Variants in TNR observed in about 807,000 individuals in gnomAD.
The protein encoded by TNR is tenascin R.
In TNR, 45 loss-of-function variants were observed where a neutral mutation model predicts 150.4. The observed-to-expected ratio is 0.30, with a 90% CI of 0.24 to 0.38. The LOEUF (loss-of-function observed/expected upper bound fraction) is 0.38, where lower values mean the gene tolerates loss of function less well. TNR is among the 10% of genes least tolerant of loss of function. The pLI is 1.00. For missense variants in TNR, 1,544 were observed against 1,759.1 expected (o/e 0.88, Z 2.19); for synonymous variants, 687 against 678.4 (o/e 1.01, Z -0.20).
In TNR at chr1:175,625,407, G is replaced by A. The variant is rs555025434; in HGVS notation, c.-164-97038C>T. ...ACACAGGAGTGGTGTTGGCTCGCTG[G>A]CACTAGCTTGCACTGGGTCTGTTAG... On this transcript the variant is annotated intron_variant, in intron 1 of 22. Transcript: ENST00000367674. 2.1e-4 allele frequency among the ~76,000 whole-genome samples: 32 copies of A among 152,362 alleles called. No individual in the cohort carries two copies. The East Asian group carries it at 4.8e-3, about 23-fold the overall frequency.
At chr1:175,340,210 G>C (rs550221203) in intron 18 of TNR, among the ~76,000 whole-genome samples, 67 of 152,320 alleles carry the variant, frequency 4.4e-4, no homozygotes, top group African/African-American at 1.6e-3. Context: ...GCAATGAGCT[G>C]GTTGGTGGGG....
At chr1:175,571,048 C>A (rs1189981314) in intron 1 of TNR, among the ~76,000 whole-genome samples, 1 of 152,186 alleles carries the variant, frequency 6.6e-6, no homozygotes, top group African/African-American at 2.4e-5. Context: ...CTGCTCTTCA[C>A]CCAGCCCCAC....
intron 1 of TNR, among the ~76,000 whole-genome samples, chr1:175,619,859 G>C (rs978867009): frequency 6.6e-6 from 1 of 152,228 alleles, no homozygotes; most frequent in East Asian, 1.9e-4. Context: ...CACAGAGGTT[G>C]TGTGTTGGAA....
Position 175,403,368 on chromosome 1 carries a change from A to G in TNR, c.748T>C (p.Cys250Arg), listed in dbSNP as rs1571392168. The change falls in exon 4 of 23, where the codon TGT (cysteine) becomes CGT (arginine). Residue 250 changes from cysteine to arginine, a missense_variant. Physicochemically the swap from Cys to Arg is radical, Grantham distance 180. Coordinates refer to ENST00000367674, the MANE Select transcript of TNR (RefSeq NM_003285.3). ...SSRGLCVDGE[C>R]VCEEPYTGED... ...CCAGTGTAGGGCTCTTCACAGACAC[A>G]CTCCCCGTCCACGCAGAGCCCCCGG... 1.9e-6 allele frequency: 3 copies of G among 1,612,498 alleles called. No individual in the cohort carries two copies. The highest frequency in any genetic ancestry group is 1.3e-5 in the African/African-American group (1 of 74,276).
chr1:175,377,498 T>C (rs200852757), intron 9 of TNR, among the ~76,000 whole-genome samples: 3 of 148,786 alleles, frequency 2.0e-5, no homozygotes, highest in East Asian at 3.9e-4. Flanking sequence ...TTAATTTTTG[T>C]GACTGTTTCT....
At chr1:175,551,652 A>G (rs1402255005) in intron 1 of TNR, among the ~76,000 whole-genome samples, 1 of 152,246 alleles carries the variant, frequency 6.6e-6, no homozygotes, top group Non-Finnish European at 1.5e-5. Flanking sequence ...TTTGCTAACA[A>G]TTGTAATTAA....
At chr1:175,621,422 G>T (rs1663973163) in intron 1 of TNR, among the ~76,000 whole-genome samples, 1 of 151,976 alleles carries the variant, frequency 6.6e-6, no homozygotes. Context: ...ACCACACTCA[G>T]CTACTCACTG....
At chr1:175,567,882 TA>T (rs201696815) in intron 1 of TNR, among the ~76,000 whole-genome samples, 7,126 of 151,624 alleles carry the variant, frequency 0.047, 574 homozygotes, top group African/African-American at 0.16. Context: ...TAGTTTAACT[TA>T]AAAAAAAATC....
At chr1:175,532,886 A>G (rs1207804724) in intron 1 of TNR, among the ~76,000 whole-genome samples, 1 of 152,096 alleles carries the variant, frequency 6.6e-6, no homozygotes, top group East Asian at 1.9e-4. Context: ...ACAATCTGAG[A>G]AAGTGCACGG....
intron 2 of TNR, among the ~76,000 whole-genome samples, chr1:175,444,118 G>T (rs1263905691): frequency 1.3e-5 from 2 of 152,268 alleles, no homozygotes; most frequent in African/African-American, 4.8e-5. Flanking sequence ...CATAATCAGA[G>T]ACTCCAGTCA....
chr1:175,650,041 T>C (rs12088761), intron 1 of TNR, among the ~76,000 whole-genome samples: 21,558 of 152,152 alleles, frequency 0.14, 1,960 homozygotes, highest in African/African-American at 0.26. Flanking sequence ...GAAGAAATCC[T>C]TAAAAAACTG....
chr1:175,478,394 A>T (rs984455831), intron 2 of TNR, among the ~76,000 whole-genome samples: 3 of 152,214 alleles, frequency 2.0e-5, no homozygotes, highest in Non-Finnish European at 4.4e-5. Context: ...AATGCAGTGC[A>T]AGCCAGACAC....
chr1:175,317,480 C>G lies in TNR; in HGVS notation c.*5877G>C, dbSNP rs555698733. The G allele has an allele frequency of 2.6e-5, 4 of 152,354 alleles. No homozygotes were observed. In the South Asian group the frequency reaches 8.3e-4, roughly 32 times the overall value. 9.4% of individuals were successfully genotyped at this position (152,354 alleles called of 1,614,324 possible). ...AATATTAAAGAGCAACACAGGGTCT[C>G]CCTAGGGGCTGCTAAACCAGTGATG... is the stretch of plus-strand genomic sequence containing the variant. On this transcript the variant is annotated 3_prime_UTR_variant, in exon 23 of 23. Coordinates refer to ENST00000367674, the MANE Select transcript of TNR (RefSeq NM_003285.3).
chr1:175,424,568 G>A (rs989136229), intron 2 of TNR, among the ~76,000 whole-genome samples: 1 of 152,214 alleles, frequency 6.6e-6, no homozygotes, highest in Non-Finnish European at 1.5e-5. Flanking sequence ...AGAAAGTCCT[G>A]TGGGAGGGAA....
intron 1 of TNR, among the ~76,000 whole-genome samples, chr1:175,737,882 C>A (rs1047931004): frequency 1.3e-5 from 2 of 152,164 alleles, no homozygotes; most frequent in Admixed American, 6.5e-5. Flanking sequence ...ACTCCTTCCC[C>A]CATTATGAAG....
At chr1:175,704,873 G>A (rs1001265860) in intron 1 of TNR, among the ~76,000 whole-genome samples, 3 of 152,282 alleles carry the variant, frequency 2.0e-5, no homozygotes, top group South Asian at 4.1e-4. Context: ...GCTTATCAAC[G>A]GCTCCCTTCT....
intron 7 of TNR, among the ~76,000 whole-genome samples, chr1:175,390,366 C>T (rs1653116310): frequency 6.6e-6 from 1 of 152,222 alleles, no homozygotes; most frequent in South Asian, 2.1e-4. Flanking sequence ...TCACCTATCT[C>T]AATTTCTGTT....
At chr1:175,409,640 T>G (rs1384709383) in intron 2 of TNR, among the ~76,000 whole-genome samples, 1 of 152,222 alleles carries the variant, frequency 6.6e-6, no homozygotes, top group African/African-American at 2.4e-5. Context: ...TTCTACTCTT[T>G]ACTGCACTGA....
intron 2 of TNR, among the ~76,000 whole-genome samples, chr1:175,455,943 G>A (rs968095772): frequency 6.6e-6 from 1 of 152,120 alleles, no homozygotes; most frequent in Non-Finnish European, 1.5e-5. Flanking sequence ...AGTGAACGGG[G>A]GCACTATTAA....
Sources: allele counts gnomAD v4.1 joint callset (sites outside exome capture counted in the v4.1 genomes callset), GRCh38; gene constraint gnomAD v4.1.1; transcripts MANE v1.5; gene names NCBI Gene and HGNC (gene_info 2026-07-23, HGNC 2026-07-21).